Variants in GIGYF2 observed in about 807,000 individuals in gnomAD.
GIGYF2 encodes the protein GRB10-interacting GYF protein 2.
A neutral mutation model predicts 208.1 loss-of-function variants in GIGYF2; 25 were observed. That is an observed-to-expected ratio of 0.12 (90% CI 0.09 to 0.17). GIGYF2 has a LOEUF of 0.17. GIGYF2 is among the 10% of genes least tolerant of loss of function. GIGYF2 has a pLI of 1.00. For missense variants in GIGYF2, 1,302 were observed against 1,579.4 expected (o/e 0.82, Z 2.98); for synonymous variants, 534 against 543.8 (o/e 0.98, Z 0.25).
chr2:232,770,608 AT>A (rs60972218), intron 8 of GIGYF2, among the ~76,000 whole-genome samples: 87,585 of 149,858 alleles, frequency 0.58, 25,665 homozygotes, highest in South Asian at 0.78. Context: ...CCTTTTGTTA[AT>A]TTTTTTTTTT....
At chr2:232,851,347 A>G (rs566431448) in intron 28 of GIGYF2, among the ~76,000 whole-genome samples, 24 of 152,328 alleles carry the variant, frequency 1.6e-4, no homozygotes, top group African/African-American at 5.5e-4. Context: ...AGGATGGGGA[A>G]TATTGTTTCA....
intron 21 of GIGYF2, among the ~76,000 whole-genome samples, chr2:232,822,923 C>A (rs1051506946): frequency 6.6e-6 from 1 of 152,042 alleles, no homozygotes; most frequent in African/African-American, 2.4e-5. Flanking sequence ...GTATAATAGC[C>A]TTATTTCCAG....
chr2:232,771,443 A>G (rs1699241847), intron 8 of GIGYF2: 1 of 1,075,482 alleles, frequency 9.3e-7, no homozygotes, highest in Non-Finnish European at 1.4e-6. Flanking sequence ...GAATTTGGAG[A>G]GCTCATGGAC....
intron 2 of GIGYF2, among the ~76,000 whole-genome samples, chr2:232,711,727 A>ATATATATATATATATG (rs1696420074): frequency 1.4e-5 from 2 of 141,606 alleles, no homozygotes; most frequent in South Asian, 2.2e-4. Flanking sequence ...ATATATATAT[A>ATATATATATATATATG]GTTGTAATAG....
rs905696713 is a variant in GIGYF2 at position 232,736,244 on chromosome 2, G to A, written c.41+1006G>A. ...AGAACATGTTAACCTAAGTAATGCT[G>A]TACTTGTTTTAGTTATTCCTTTATA... On this transcript the variant is annotated intron_variant, in intron 3 of 28. Transcript: ENST00000373563. 2.1e-5 allele frequency: 16 copies of A among 768,036 alleles called. No homozygotes were observed. The South Asian group carries it at 9.4e-4, about 45-fold the overall frequency. 47.6% of individuals were successfully genotyped at this position (768,036 alleles called of 1,614,324 possible).
chr2:232,738,719 A>G (rs1362172243), intron 3 of GIGYF2, among the ~76,000 whole-genome samples: 3 of 152,220 alleles, frequency 2.0e-5, no homozygotes, highest in African/African-American at 7.2e-5. Flanking sequence ...ATGTTTTGCT[A>G]TTGTAAATGA....
chr2:232,817,087 C>A (rs1179179516), intron 20 of GIGYF2, 55 bp downstream of exon 20: 2 of 1,326,636 alleles, frequency 1.5e-6, no homozygotes, highest in East Asian at 2.3e-5. Flanking sequence ...GGCTTTCAGG[C>A]TGCTTTCTTT....
intron 2 of GIGYF2, among the ~76,000 whole-genome samples, chr2:232,725,425 A>G (rs1216374720): frequency 6.6e-6 from 1 of 152,054 alleles, no homozygotes; most frequent in Non-Finnish European, 1.5e-5. Context: ...CCTCATTCTT[A>G]GTATATGGTT....
At chr2:232,704,350 G>C (rs1334120942) in intron 2 of GIGYF2, among the ~76,000 whole-genome samples, 1 of 152,136 alleles carries the variant, frequency 6.6e-6, no homozygotes, top group Non-Finnish European at 1.5e-5. Flanking sequence ...TTTGGTGAAC[G>C]AGGCCAGTAG....
chr2:232,730,592 G>T (rs1427913888), intron 2 of GIGYF2, among the ~76,000 whole-genome samples: 1 of 142,846 alleles, frequency 7.0e-6, no homozygotes, highest in Non-Finnish European at 1.5e-5. Context: ...GCAGTAGAGC[G>T]AGACTCAGTC....
At position 232,806,709 on chromosome 2, in the gene GIGYF2, A is replaced by G; in HGVS notation, c.1806+52A>G. The G allele has an allele frequency of 7.8e-7, 1 of 1,278,736 alleles. No individual in the cohort carries two copies. Among genetic ancestry groups the G allele is most frequent in the South Asian group, 1.2e-5 (1 of 84,410 alleles). The allele number at this position is 1,278,736 out of a possible 1,614,324, so 79.2% of individuals were successfully genotyped here. On this transcript the variant is annotated intron_variant, in intron 15 of 28. Transcript: ENST00000373563. This position sits in a 1 kb window ranked among gnomAD's most constrained non-coding sequence, Gnocchi z 4.0. The stretch of plus-strand genomic sequence containing the variant: ...TACATATTAGTCACGGAAACACTTG[A>G]TTCTCTTTGAAAACACAACCCAAAT...
chr2:232,776,379 T>TGG lies in GIGYF2; in HGVS notation c.533-10770_533-10769insGG, dbSNP rs745626181. On this transcript the variant is annotated intron_variant, in intron 8 of 28. Coordinates refer to ENST00000373563, the MANE Select transcript of GIGYF2 (RefSeq NM_001103146.3). ...GAAGTAATCTAGCTCTGTTGCTATT[T>TGG]GCCAGTCAGTTTCTTTCCCTGTTTC... 8.1e-6 allele frequency: 10 copies of TGG among 1,233,216 alleles called. No homozygotes were observed. The East Asian group carries it at 2.4e-4, about 29-fold the overall frequency. 76.4% of individuals were successfully genotyped at this position (1,233,216 alleles called of 1,614,324 possible).
Position 232,706,565 on chromosome 2 carries a change from G to A in GIGYF2, c.-44+3076G>A, listed in dbSNP as rs536906365. On this transcript the variant is annotated intron_variant, in intron 2 of 28. Coordinates refer to ENST00000373563, the MANE Select transcript of GIGYF2 (RefSeq NM_001103146.3). ...GGCTGAGGCAGGCGGATCACTTGAA[G>A]TCAGGAGTTTGAGACCAGCCTGACC... Among the ~76,000 whole-genome samples, 4 of 152,294 alleles carry A rather than the reference G, an allele frequency of 2.6e-5. No homozygotes were observed. The East Asian group carries it at 7.7e-4, about 29-fold the overall frequency.
At chr2:232,849,922 T>G (rs1187072348) in intron 27 of GIGYF2, among the ~76,000 whole-genome samples, 1 of 152,174 alleles carries the variant, frequency 6.6e-6, no homozygotes, top group East Asian at 1.9e-4. Context: ...GGTGCAGTGG[T>G]CTGCTCATGA....
At chr2:232,760,442 C>T (rs1418252674) in intron 6 of GIGYF2, 38 bp from the exon 7 acceptor site, 4 of 1,294,902 alleles carry the variant, frequency 3.1e-6, no homozygotes, top group Non-Finnish European at 4.5e-6. Flanking sequence ...CACATGTTGA[C>T]ATCTGACTAT....
At chr2:232,728,909 T>C (rs1465663844) in intron 2 of GIGYF2, among the ~76,000 whole-genome samples, 1 of 151,632 alleles carries the variant, frequency 6.6e-6, no homozygotes, top group African/African-American at 2.4e-5. Flanking sequence ...CCTGAATTGC[T>C]TTATAAACTC....
intron 18 of GIGYF2, among the ~76,000 whole-genome samples, chr2:232,813,524 A>G (rs1438418163): frequency 6.6e-6 from 1 of 152,094 alleles, no homozygotes; most frequent in Non-Finnish European, 1.5e-5. Context: ...TCTGTTTCTT[A>G]TGGTCTAAAT....
At chr2:232,761,584 T>G in intron 8 of GIGYF2, 148 bp downstream of exon 8, 1 of 610,046 alleles carries the variant, frequency 1.6e-6, no homozygotes, top group Non-Finnish European at 3.0e-6. Flanking sequence ...CCAGAGATGA[T>G]GAATACAGCC....
rs1198314311 is a variant in GIGYF2 at position 232,794,732 on chromosome 2, G to C, written c.1283-16G>C. 3 of 1,603,900 alleles carry C rather than the reference G, an allele frequency of 1.9e-6. No homozygotes were observed. In the African/African-American group the frequency reaches 4.0e-5, roughly 21 times the overall value. On this transcript the variant is annotated splice_polypyrimidine_tract_variant and intron_variant, in intron 12 of 28. Transcript: ENST00000373563. ...TCTGTATTTCAAAGGATTTTCATCT[G>C]ATTTTTTCCCCCTAGAAATGGTTGC...
Sources: gnomAD v4.1 joint callset for allele counts (sites outside exome capture counted in the v4.1 genomes callset) on GRCh38, gnomAD v4.1.1 for gene constraint, Gnocchi (gnomAD v3.1) non-coding constraint, MANE v1.5 for transcripts, NCBI Gene and HGNC (gene_info 2026-07-23, HGNC 2026-07-21) for gene names.